CNOT6: variants seen among roughly 807,000 people sequenced by gnomAD.
The protein encoded by CNOT6 is CCR4-NOT transcription complex subunit 6, also known as carbon catabolite repression 4 protein.
CNOT6 carries 12 observed loss-of-function variants against 61.2 expected under a neutral mutation model. The observed-to-expected ratio is 0.20, with a 90% CI of 0.13 to 0.32. The LOEUF (loss-of-function observed/expected upper bound fraction) is 0.32, where lower values mean the gene tolerates loss of function less well. Among genes scored for constraint, CNOT6 ranks in the 10% least tolerant of loss-of-function variants. The pLI, the probability that CNOT6 is intolerant of heterozygous loss-of-function variation, is 1.00. For missense variants in CNOT6, 405 were observed against 663.9 expected (o/e 0.61, Z 4.28); for synonymous variants, 225 against 240.6 (o/e 0.94, Z 0.60).
At chr5:180,523,023 A>G (rs80032751) in intron 1 of CNOT6, among the ~76,000 whole-genome samples, 11,474 of 152,210 alleles carry the variant, frequency 0.075, 595 homozygotes, top group East Asian at 0.25. Context: ...TGTCTGAAGA[A>G]GAGAGGGGCA....
At chr5:180,521,902 G>A (rs1757894993) in intron 1 of CNOT6, among the ~76,000 whole-genome samples, 1 of 152,220 alleles carries the variant, frequency 6.6e-6, no homozygotes, top group African/African-American at 2.4e-5. Context: ...AGTATTCCAT[G>A]ATGTATATGT....
At chr5:180,495,506 G>A (rs561451386) in intron 1 of CNOT6, 1 of 152,290 alleles carries the variant, frequency 6.6e-6, no homozygotes, top group East Asian at 1.9e-4. Flanking sequence ...AACACCTGTG[G>A]CCTTCTGTTT....
intron 1 of CNOT6, among the ~76,000 whole-genome samples, chr5:180,518,689 A>C (rs1757753934): frequency 6.6e-6 from 1 of 152,112 alleles, no homozygotes; most frequent in African/African-American, 2.4e-5. Context: ...TGTAGAGATG[A>C]GGGAACTCCC....
intron 1 of CNOT6, among the ~76,000 whole-genome samples, chr5:180,513,405 C>T (rs189581343): frequency 2.6e-5 from 4 of 152,030 alleles, no homozygotes; most frequent in African/African-American, 4.8e-5. Context: ...GAGTCTTGCT[C>T]TGTCGCCCAG....
chr5:180,511,229 C>T (rs1402599782), intron 1 of CNOT6, among the ~76,000 whole-genome samples: 1 of 151,948 alleles, frequency 6.6e-6, no homozygotes, highest in Non-Finnish European at 1.5e-5. Context: ...TGTAATCCCA[C>T]CACTTTGGGA....
rs374610639 is a variant in CNOT6 at position 180,542,515 on chromosome 5, T to C, written c.113-7416T>C. Among the ~76,000 whole-genome samples the C allele has an allele frequency of 7.3e-4, 111 of 152,336 alleles. No homozygotes were observed. The Middle Eastern group carries it at 0.01, about 14-fold the overall frequency. On this transcript the variant is annotated intron_variant, in intron 2 of 11. Transcript: ENST00000261951. ...CCTGACCTCAAATGATCCACCCACC[T>C]TGGCCTACCACAGTGCTGGGATTAC...
chr5:180,511,416 C>T (rs956533299), intron 1 of CNOT6, among the ~76,000 whole-genome samples: 1 of 152,032 alleles, frequency 6.6e-6, no homozygotes, highest in Non-Finnish European at 1.5e-5. Flanking sequence ...TCGAGACCAT[C>T]CTGGCTAACA....
chr5:180,561,027 T>G (rs1297792383), intron 4 of CNOT6, among the ~76,000 whole-genome samples: 3 of 152,196 alleles, frequency 2.0e-5, no homozygotes, highest in Non-Finnish European at 4.4e-5. Flanking sequence ...CTTGGCTCAC[T>G]GCAGCCTTGA....
rs1757130317 is a variant in CNOT6, at chr5:180,506,323, G to A, written c.-3+11560G>A. Among the ~76,000 whole-genome samples, 3 of 152,212 alleles carry A rather than the reference G, an allele frequency of 2.0e-5. No homozygotes were observed. The South Asian group carries it at 6.2e-4, about 32-fold the overall frequency. The stretch of plus-strand genomic sequence containing the variant: ...AAGCACAAACTCGAATCAGACTTGG[G>A]TTAAAATAACAGTTGTGTCATTTAG... On this transcript the variant is annotated intron_variant, in intron 1 of 11. Coordinates refer to ENST00000261951, the MANE Select transcript of CNOT6 (RefSeq NM_001370472.1).
chr5:180,534,010 C>T (rs897997656), intron 2 of CNOT6, among the ~76,000 whole-genome samples: 1 of 152,198 alleles, frequency 6.6e-6, no homozygotes, highest in Non-Finnish European at 1.5e-5. Context: ...AAGGTGGCCA[C>T]ACCCATCAGG....
chr5:180,563,763 T>C (rs1194804367), intron 4 of CNOT6, among the ~76,000 whole-genome samples: 1 of 152,222 alleles, frequency 6.6e-6, no homozygotes, highest in African/African-American at 2.4e-5. Context: ...GGAACTTTGC[T>C]CCATGAAACC....
At position 180,528,303 on chromosome 5, in the gene CNOT6, ATTAT is replaced by A. The variant is rs1554098707; in HGVS notation, c.-2-953_-2-950del. ...TGCAGGATAAATGTTTGATTCTTTT[ATTAT>A]TTATTTATTTATTTATTTTTTGAGA... On this transcript the variant is annotated intron_variant, in intron 1 of 11. Transcript: ENST00000261951. Among the ~76,000 whole-genome samples the A allele has an allele frequency of 1.1e-4, 16 of 152,104 alleles. No homozygotes were observed. In the East Asian group the frequency reaches 1.2e-3, roughly 11 times the overall value.
At chr5:180,546,580 A>G (rs1303213104) in intron 2 of CNOT6, among the ~76,000 whole-genome samples, 1 of 152,226 alleles carries the variant, frequency 6.6e-6, no homozygotes, top group Non-Finnish European at 1.5e-5. Context: ...TGCATATGTC[A>G]TAACACCCAC....
chr5:180,529,229 GTTTA>G (rs1332177364), intron 1 of CNOT6, 42 bp from the exon 2 acceptor site: 6 of 955,702 alleles, frequency 6.3e-6, no homozygotes, highest in Non-Finnish European at 9.6e-6. Flanking sequence ...TGTGGCTTTT[GTTTA>G]TTTGATTTTT....
chr5:180,556,368 T>C (rs920935163), intron 4 of CNOT6, among the ~76,000 whole-genome samples: 7 of 152,190 alleles, frequency 4.6e-5, no homozygotes, highest in African/African-American at 1.4e-4. Context: ...ATAGTAACTA[T>C]AGTTAATAAT....
intron 1 of CNOT6, among the ~76,000 whole-genome samples, chr5:180,526,764 G>A (rs931972912): frequency 2.0e-5 from 3 of 152,066 alleles, no homozygotes. Context: ...GAATAAAAGC[G>A]AGACAAGAAC....
chr5:180,571,212 A>G lies in CNOT6; in HGVS notation c.1259-18A>G, dbSNP rs181718034. The stretch of plus-strand genomic sequence containing the variant: ...TTTTGTATATATTTGACAATAAAAA[A>G]ATTTGTCTTCATTGTAGGTGTTGTA... On this transcript the variant is annotated intron_variant, in intron 10 of 11. Coordinates refer to ENST00000261951, the MANE Select transcript of CNOT6 (RefSeq NM_001370472.1). 29 of 1,571,348 alleles carry G rather than the reference A, an allele frequency of 1.8e-5. No individual in the cohort carries two copies. The highest frequency in any genetic ancestry group is 2.3e-5 in the Non-Finnish European group (26 of 1,146,234).
chr5:180,568,787 T>C (rs962320150), intron 9 of CNOT6, among the ~76,000 whole-genome samples: 1 of 152,172 alleles, frequency 6.6e-6, no homozygotes, highest in Non-Finnish European at 1.5e-5. Context: ...AAAGAGGGTT[T>C]AGATGTAATT....
At chr5:180,517,411 G>C (rs1009420898) in intron 1 of CNOT6, among the ~76,000 whole-genome samples, 2 of 152,016 alleles carry the variant, frequency 1.3e-5, no homozygotes, top group African/African-American at 4.8e-5. Context: ...TTACAGGCAT[G>C]AGCCACTGTA....
Sources: gnomAD v4.1 joint callset for allele counts (sites outside exome capture counted in the v4.1 genomes callset) on GRCh38, gnomAD v4.1.1 for gene constraint, MANE v1.5 for transcripts, NCBI Gene and HGNC (gene_info 2026-07-23, HGNC 2026-07-21) for gene names.